Variants in ZNF737 observed in about 807,000 individuals in gnomAD.
The protein encoded by ZNF737 is zinc finger protein 102 (Y3).
ZNF737 carries 13 observed loss-of-function variants against 11.7 expected under a neutral mutation model. The observed-to-expected ratio is 1.11, with a 90% CI of 0.73 to 1.77. The LOEUF (loss-of-function observed/expected upper bound fraction) is 1.77. ZNF737 is among the 40% of genes most tolerant of loss of function. ZNF737 has a pLI of 0.00. For missense variants in ZNF737, 636 were observed against 638.0 expected, an observed-to-expected ratio of 1.00 and a Z score of 0.03; for synonymous variants, 217 against 216.2, an observed-to-expected ratio of 1.00 and a Z score of -0.03.
Position 20,552,536 on chromosome 19 carries a change from A to G in ZNF737, c.165T>C (p.Cys55=). Residue 55 remains cysteine (C), a synonymous_variant, in exon 3 of 4, where the codon TGT becomes TGC. Transcript: ENST00000427401. ...TCAAAGGTTTTTTTCCTTGCTCCAG[A>G]CAGGTGATGAGGTCTGGCTTAGAGA... ...IVVSKPDLIT[C]LEQGKKPLTM... The G allele has an allele frequency of 1.3e-6, 2 of 1,594,568 alleles. No individual in the cohort carries two copies. The highest frequency in any genetic ancestry group is 1.7e-6 in the Non-Finnish European group (2 of 1,173,400).
In ZNF737 at chr19:20,546,895, T is replaced by C. The variant is rs1344913219; in HGVS notation, c.227-919A>G. 2.0e-5 allele frequency among the ~76,000 whole-genome samples: 3 copies of C among 152,072 alleles called. No individual in the cohort carries two copies. The South Asian group carries it at 6.2e-4, about 32-fold the overall frequency. ...CTTGTCTCAAAACAACAACAACCAATCATTTTTAAAACACTAAAATTACAC... is the reference window on the plus strand; with the variant it reads ...CTTGTCTCAAAACAACAACAACCAACCATTTTTAAAACACTAAAATTACAC... On this transcript the variant is annotated intron_variant, in intron 3 of 3. Transcript: ENST00000427401.
At chr19:20,537,615 C>G (rs1438138611), downstream of ZNF737, among the ~76,000 whole-genome samples, 5 of 137,520 alleles carry the variant, frequency 3.6e-5, no homozygotes, top group African/African-American at 1.4e-4. Context: ...CTCCTGGGTT[C>G]AAGTGATTCT....
chr19:20,536,018 G>T (rs1967952895), downstream of ZNF737: 1 of 915,876 alleles, frequency 1.1e-6, no homozygotes, highest in South Asian at 5.1e-5. Context: ...TCAGCCAATG[G>T]ATGAAAAAAG....
In ZNF737 at chr19:20,544,552, C is replaced by A; in HGVS notation, c.*40G>T. The A allele has an allele frequency of 6.4e-7, 1 of 1,553,608 alleles. No homozygotes were observed. On this transcript the variant is annotated 3_prime_UTR_variant, in exon 4 of 4. Transcript: ENST00000427401. ...TATGAATTTTCTTATGTGAAAAAAG[C>A]ATAGTGGGATAGCTTAAAGCTTTGC... is the stretch of plus-strand genomic sequence containing the variant.
Position 20,543,656 on chromosome 19 carries a change from C to T in ZNF737, c.*936G>A. On this transcript the variant is annotated 3_prime_UTR_variant, in exon 4 of 4. Coordinates refer to ENST00000427401, the MANE Select transcript of ZNF737 (RefSeq NM_001159293.2). ...TTGCCAGTATGAATTATCCAACCTA[C>T]AATCAAGAGTGGCAACCATATAAAG... The T allele has an allele frequency of 2.0e-6, 2 of 985,484 alleles. No homozygotes were observed. The highest frequency in any genetic ancestry group is 4.7e-5 in the South Asian group (1 of 21,310). 61.0% of individuals were successfully genotyped at this position (985,484 alleles called of 1,614,324 possible).
Position 20,539,147 on chromosome 19 carries a change from G to A in ZNF737, c.*5445C>T, listed in dbSNP as rs940999845. The A allele has an allele frequency of 1.8e-4, 90 of 510,208 alleles. No homozygotes were observed. The highest frequency in any genetic ancestry group is 2.1e-4 in the Non-Finnish European group (84 of 398,150). The allele number at this position is 510,208 out of a possible 1,614,324, so 31.6% of individuals were successfully genotyped here. On this transcript the variant is annotated 3_prime_UTR_variant, in exon 4 of 4. Transcript: ENST00000427401. ...CCCATCTCTACTACAAAAATTATCC[G>A]GGCATAATGGCGGGTGCCTGTTATC...
Position 20,541,003 on chromosome 19 carries a change from T to C in ZNF737, c.*3589A>G. The stretch of plus-strand genomic sequence containing the variant: ...GTTAAAAATGATTTTTTTTTCCTGT[T>C]TTAAGAGGGCTTTTATTATTGTACT... On this transcript the variant is annotated 3_prime_UTR_variant, in exon 4 of 4. Transcript: ENST00000427401. The C allele has an allele frequency of 1.0e-6, 1 of 985,252 alleles. No individual in the cohort carries two copies. The highest frequency in any genetic ancestry group is 1.2e-6 in the Non-Finnish European group (1 of 829,790). 61.0% of individuals were successfully genotyped at this position (985,252 alleles called of 1,614,324 possible). A position where few individuals can be genotyped will look rare whatever the true frequency, so the allele number is the denominator to read the frequency against.
chr19:20,539,462 G>GT lies in ZNF737; in HGVS notation c.*5129dup. The stretch of plus-strand genomic sequence containing the variant: ...TCTTGTTAGTCATCTGGCCATTTCT[G>GT]TAAGTACGGCAATTATGCGAAGCCA... On this transcript the variant is annotated 3_prime_UTR_variant, in exon 4 of 4. Coordinates refer to ENST00000427401, the MANE Select transcript of ZNF737 (RefSeq NM_001159293.2). 1 of 985,398 alleles carries GT rather than the reference G, an allele frequency of 1.0e-6. No individual in the cohort carries two copies. Among genetic ancestry groups the GT allele is most frequent in the East Asian group, 1.1e-4 (1 of 8,812 alleles). The allele number at this position is 985,398 out of a possible 1,614,324, so 61.0% of individuals were successfully genotyped here. A position where few individuals can be genotyped will look rare whatever the true frequency, so the allele number is the denominator to read the frequency against.
At chr19:20,534,917 C>T (rs1555753548), downstream of ZNF737, among the ~76,000 whole-genome samples, 3 of 149,820 alleles carry the variant, frequency 2.0e-5, no homozygotes, top group South Asian at 2.2e-4. Flanking sequence ...AAAGTAATAA[C>T]CTTTATCCAG....
At position 20,552,553 on chromosome 19, in the gene ZNF737, G is replaced by T. The variant is rs1555758857; in HGVS notation, c.148C>A (p.Pro50Thr). The T allele has an allele frequency of 6.3e-7, 1 of 1,581,812 alleles. No individual in the cohort carries two copies. The highest frequency in any genetic ancestry group is 8.6e-7 in the Non-Finnish European group (1 of 1,168,512). Residue 50 changes from proline (P) to threonine (T), a missense_variant, in exon 3 of 4, where the codon CCA (proline) becomes ACA (threonine). Transcript: ENST00000427401. Reference protein sequence around the residue: ...LVFLGIVVSKPDLITCLEQGK... With the variant: ...LVFLGIVVSKTDLITCLEQGK... ...TGCTCCAGACAGGTGATGAGGTCTG[G>T]CTTAGAGACAACAATACCTGTTTTA...
Position 20,542,671 on chromosome 19 carries a change from A to T in ZNF737, c.*1921T>A. On this transcript the variant is annotated 3_prime_UTR_variant, in exon 4 of 4. Coordinates refer to ENST00000427401, the MANE Select transcript of ZNF737 (RefSeq NM_001159293.2). ...ATTGCTCTGAACATTTACGTTATAC[A>T]TTACTTAATAGAATTTTACTACAAA... 1.0e-6 allele frequency: 1 copy of T among 983,298 alleles called. No individual in the cohort carries two copies. The highest frequency in any genetic ancestry group is 4.7e-5 in the South Asian group (1 of 21,238). The allele number at this position is 983,298 out of a possible 1,614,324, so 60.9% of individuals were successfully genotyped here.
Position 20,543,468 on chromosome 19 carries a change from T to TAA in ZNF737, c.*1122_*1123dup. ...GTAATTGCCATTTTAATGCTTTTAT[T>TAA]AAAAGGAAGATTTTTATGTTGAGTT... is the stretch of plus-strand genomic sequence containing the variant. On this transcript the variant is annotated 3_prime_UTR_variant, in exon 4 of 4. Transcript: ENST00000427401. The TAA allele has an allele frequency of 1.0e-6, 1 of 985,420 alleles. No individual in the cohort carries two copies. Among genetic ancestry groups the TAA allele is most frequent in the Non-Finnish European group, 1.2e-6 (1 of 829,666 alleles). 61.0% of individuals were successfully genotyped at this position (985,420 alleles called of 1,614,324 possible).
In ZNF737 at chr19:20,539,670, A is replaced by C. The variant is rs1041690894; in HGVS notation, c.*4922T>G. 63 of 922,372 alleles carry C rather than the reference A, an allele frequency of 6.8e-5. No individual in the cohort carries two copies. In the African/African-American group the frequency reaches 1.1e-3, roughly 16 times the overall value. 57.1% of individuals were successfully genotyped at this position (922,372 alleles called of 1,614,324 possible). A position where few individuals can be genotyped will look rare whatever the true frequency, so the allele number is the denominator to read the frequency against. On this transcript the variant is annotated 3_prime_UTR_variant, in exon 4 of 4. Transcript: ENST00000427401. ...TATAGTAGAATCCTCTATAATTAGA[A>C]GTTAATTATTTATAAATTCATTGTT...
intron 1 of ZNF737, among the ~76,000 whole-genome samples, chr19:20,562,340 ATTTTTTTT>A (rs56851244): frequency 3.2e-5 from 4 of 123,772 alleles, no homozygotes; most frequent in Non-Finnish European, 5.0e-5. Context: ...CACCTGGCTA[ATTTTTTTT>A]TTTTTTTTTT....
chr19:20,544,867 T>C lies in ZNF737; in HGVS notation c.1336A>G (p.Ile446Val), dbSNP rs781811582. Residue 446 changes from isoleucine to valine, a missense_variant, in exon 4 of 4, where the codon ATT becomes GTT. Coordinates refer to ENST00000427401, the MANE Select transcript of ZNF737 (RefSeq NM_001159293.2). ...TTGTAGGGTTTCTCTCCAGTATGAA[T>C]TCTCTTATGTGTAGTAAGGATAGAG... The part of the protein sequence containing the change: ...CFSILTTHKR[I>V]HTGEKPYKCE... The C allele has an allele frequency of 5.6e-6, 9 of 1,610,998 alleles. No homozygotes were observed. Among genetic ancestry groups the C allele is most frequent in the Admixed American group, 1.7e-5 (1 of 59,658 alleles).
In ZNF737 at chr19:20,545,886, T is replaced by G. The variant is rs1555756935; in HGVS notation, c.317A>C (p.Tyr106Ser). 1 of 1,612,034 alleles carries G rather than the reference T, an allele frequency of 6.2e-7. No homozygotes were observed. The highest frequency in any genetic ancestry group is 8.5e-7 in the Non-Finnish European group (1 of 1,179,344). The change falls in exon 4 of 4, where the codon TAT becomes TCT. Residue 106 changes from tyrosine to serine, a missense_variant. Coordinates refer to ENST00000427401, the MANE Select transcript of ZNF737 (RefSeq NM_001159293.2). ...TTTAAACTGTAAATTGTCATGTCCA[T>G]AGTTTTCATATCTTCTCAGTGTCAC... Reference protein sequence around the residue: ...QKVTLRRYENYGHDNLQFKKG... With the variant: ...QKVTLRRYENSGHDNLQFKKG...
At chr19:20,560,220 G>T (rs535388599) in intron 1 of ZNF737, among the ~76,000 whole-genome samples, 1 of 150,144 alleles carries the variant, frequency 6.7e-6, no homozygotes, top group South Asian at 2.1e-4. Context: ...GGTAATGCCC[G>T]CGTGTAGTCC....
At chr19:20,562,206 C>G (rs1190253991) in intron 1 of ZNF737, among the ~76,000 whole-genome samples, 3 of 152,244 alleles carry the variant, frequency 2.0e-5, no homozygotes, top group African/African-American at 7.2e-5. Context: ...TATTTCTTCA[C>G]TTTGTCACCC....
intron 1 of ZNF737, among the ~76,000 whole-genome samples, chr19:20,556,331 G>T (rs1401567729): frequency 6.6e-6 from 1 of 152,152 alleles, no homozygotes; most frequent in Non-Finnish European, 1.5e-5. Flanking sequence ...CAGAAGCTGT[G>T]GGGAGGGCAC....
Sources: gnomAD v4.1 joint callset for allele counts (sites outside exome capture counted in the v4.1 genomes callset) on GRCh38, gnomAD v4.1.1 for gene constraint, MANE v1.5 for transcripts, NCBI Gene and HGNC (gene_info 2026-07-23, HGNC 2026-07-21) for gene names.